The following EGFLAM variants were observed in gnomAD, a reference collection of about 807,000 sequenced individuals.
The protein encoded by EGFLAM is pikachurin.
In EGFLAM, 79 loss-of-function variants were observed where a neutral mutation model predicts 113.1. The observed-to-expected ratio is 0.70, with a 90% CI of 0.58 to 0.84. EGFLAM has a LOEUF of 0.84. Ranked by LOEUF, EGFLAM falls within the 40% of genes least tolerant of loss-of-function variation. The pLI is 0.00. For synonymous variants in EGFLAM, 504 were observed against 487.6 expected, an observed-to-expected ratio of 1.03 and a Z score of -0.44; for missense variants, 1,265 against 1,291.6, an observed-to-expected ratio of 0.98 and a Z score of 0.32.
At chr5:38,435,061 G>A in intron 15 of EGFLAM, 76 bp from the exon 16 acceptor site, 2 of 1,268,850 alleles carry the variant, frequency 1.6e-6, no homozygotes, top group Non-Finnish European at 2.3e-6. Context: ...CCCCAACAGG[G>A]AACTGAAGAC....
At position 38,451,404 on chromosome 5, in the gene EGFLAM, G is replaced by C; in HGVS notation, c.2633G>C (p.Arg878Thr). Residue 878 changes from arginine to threonine, a missense_variant, in exon 19 of 22, where the codon AGA becomes ACA. Transcript: ENST00000322350. ...CTGTGGAGGGGAGACAGCCCCATGAGACCCAACAGCGACTTCATTTCCTTG... is the reference window on the plus strand; with the variant it reads ...CTGTGGAGGGGAGACAGCCCCATGACACCCAACAGCGACTTCATTTCCTTG... ...LLLWRGDSPM[R>T]PNSDFISLGL... 1.2e-6 allele frequency: 2 copies of C among 1,614,236 alleles called. No individual in the cohort carries two copies. Among genetic ancestry groups the C allele is most frequent in the Admixed American group, 1.7e-5 (1 of 60,024 alleles).
intron 1 of EGFLAM, among the ~76,000 whole-genome samples, chr5:38,328,538 A>G (rs1384914080): frequency 6.6e-6 from 1 of 152,074 alleles, no homozygotes. Flanking sequence ...ATGTCTGAAT[A>G]CTCATTTATA....
chr5:38,445,616 G>A, intron 17 of EGFLAM: 1 of 1,598,378 alleles, frequency 6.3e-7, no homozygotes, highest in South Asian at 1.1e-5. Flanking sequence ...AGAGTAATTG[G>A]GATTTGACAA....
chr5:38,363,753 G>A (rs770576563), intron 5 of EGFLAM, among the ~76,000 whole-genome samples: 1 of 152,142 alleles, frequency 6.6e-6, no homozygotes, highest in South Asian at 2.1e-4. Context: ...CCGAGAAGGC[G>A]TTCATAGGCT....
intron 6 of EGFLAM, among the ~76,000 whole-genome samples, chr5:38,377,979 G>T (rs1458198348): frequency 6.6e-6 from 1 of 152,060 alleles, no homozygotes; most frequent in African/African-American, 2.4e-5. Flanking sequence ...TCCTAATAAG[G>T]CTAATTATGG....
At chr5:38,366,931 A>T (rs892362381) in intron 5 of EGFLAM, among the ~76,000 whole-genome samples, 10 of 152,164 alleles carry the variant, frequency 6.6e-5, no homozygotes, top group Non-Finnish European at 1.3e-4. Context: ...GGCAAAATGA[A>T]CCAGTTAGTG....
intron 1 of EGFLAM, among the ~76,000 whole-genome samples, chr5:38,301,881 G>A (rs1447145469): frequency 1.3e-5 from 2 of 152,114 alleles, no homozygotes; most frequent in Non-Finnish European, 2.9e-5. Flanking sequence ...CTGGTATGAA[G>A]TTGGCATCAA....
At chr5:38,276,929 C>T (rs367796242) in intron 1 of EGFLAM, among the ~76,000 whole-genome samples, 1 of 152,154 alleles carries the variant, frequency 6.6e-6, no homozygotes, top group Non-Finnish European at 1.5e-5. Context: ...CAAAAGTCTC[C>T]CATCAAAGAA....
intron 15 of EGFLAM, among the ~76,000 whole-genome samples, chr5:38,434,192 TAAGCCCC>T (rs1252169980): frequency 1.3e-5 from 2 of 152,218 alleles, no homozygotes; most frequent in Non-Finnish European, 2.9e-5. Context: ...ACATTCCCTC[TAAGCCCC>T]AACGTCTTCC....
At chr5:38,412,779 T>A (rs549113834) in intron 11 of EGFLAM, 131 bp downstream of exon 11, 1 of 1,361,378 alleles carries the variant, frequency 7.3e-7, no homozygotes, top group Non-Finnish European at 9.7e-7. Flanking sequence ...TAAGGCCTAT[T>A]TCTCATGGTG....
Position 38,431,183 on chromosome 5 carries a change from A to C in EGFLAM, c.2061A>C (p.Glu687Asp). Residue 687 changes from glutamate (E) to aspartate (D), a missense_variant, in exon 15 of 22, where the codon GAA becomes GAC. Physicochemically the swap from Glu to Asp is conservative, Grantham distance 45. Transcript: ENST00000322350. ...TCACATCTTCCTTCCACAGGAGTGA[A>C]GATCCCCTCACCCTGGGCAACTGGC... ...CGSGTGVLRS[E>D]DPLTLGNWHE... is the part of the protein sequence containing the mutation. 6.2e-7 allele frequency: 1 copy of C among 1,614,130 alleles called. No individual in the cohort carries two copies. Among genetic ancestry groups the C allele is most frequent in the Non-Finnish European group, 8.5e-7 (1 of 1,179,964 alleles).
At chr5:38,428,144 G>C (rs1342889193) in intron 14 of EGFLAM, among the ~76,000 whole-genome samples, 2 of 152,192 alleles carry the variant, frequency 1.3e-5, no homozygotes, top group African/African-American at 4.8e-5. Context: ...GCTCCATGGT[G>C]CCCTGTAACA....
chr5:38,329,627 G>T (rs1738988527), intron 1 of EGFLAM, among the ~76,000 whole-genome samples: 1 of 152,070 alleles, frequency 6.6e-6, no homozygotes. Flanking sequence ...CCCAGCCATG[G>T]AGTCCCAGTA....
intron 14 of EGFLAM, among the ~76,000 whole-genome samples, chr5:38,429,461 C>T (rs1335595022): frequency 3.3e-5 from 5 of 152,130 alleles, no homozygotes; most frequent in Non-Finnish European, 7.3e-5. Context: ...TAAAGATGAT[C>T]CAGGACCACA....
chr5:38,328,723 GTTTTTTT>G (rs3077265), intron 1 of EGFLAM, among the ~76,000 whole-genome samples: 4 of 103,012 alleles, frequency 3.9e-5, no homozygotes, highest in Admixed American at 1.1e-4. Flanking sequence ...AGCTATACTT[GTTTTTTT>G]TTTTTTTTTT....
chr5:38,361,720 T>C (rs1005001273), intron 5 of EGFLAM, among the ~76,000 whole-genome samples: 1 of 152,022 alleles, frequency 6.6e-6, no homozygotes, highest in African/African-American at 2.4e-5. Context: ...CCTCAAACAG[T>C]GAGTTGGACA....
In EGFLAM at chr5:38,450,557, T is replaced by C. The variant is rs563502152; in HGVS notation, c.2544-758T>C. Among the ~76,000 whole-genome samples, 49 of 146,476 alleles carry C rather than the reference T, an allele frequency of 3.3e-4. 1 individual carries two copies. Among genetic ancestry groups the C allele is most frequent in the Admixed American group, 2.8e-3 (41 of 14,498 alleles). Reference sequence around the variant, plus strand: ...ATGTTAAATTATGTTTCCTCCTATCTCACCCTTGATTCAAGGACCTCAGCC... The same window carrying C: ...ATGTTAAATTATGTTTCCTCCTATCCCACCCTTGATTCAAGGACCTCAGCC... On this transcript the variant is annotated intron_variant, in intron 18 of 21. Coordinates refer to ENST00000322350, the MANE Select transcript of EGFLAM (RefSeq NM_152403.4).
intron 1 of EGFLAM, among the ~76,000 whole-genome samples, chr5:38,309,157 T>G (rs1758801163): frequency 1.3e-5 from 2 of 152,274 alleles, no homozygotes; most frequent in Non-Finnish European, 2.9e-5. Flanking sequence ...TCTGTATTCT[T>G]GAAGTTATTT....
chr5:38,460,227 A>T (rs943002182), intron 20 of EGFLAM, among the ~76,000 whole-genome samples: 3 of 152,206 alleles, frequency 2.0e-5, no homozygotes, highest in Non-Finnish European at 4.4e-5. Context: ...GGTGGAGATC[A>T]TTGGTAGAAT....
Sources: allele counts gnomAD v4.1 joint callset (sites outside exome capture counted in the v4.1 genomes callset), GRCh38; gene constraint gnomAD v4.1.1; transcripts MANE v1.5; gene names NCBI Gene and HGNC (gene_info 2026-07-23, HGNC 2026-07-21).